NUP93: variants seen among roughly 807,000 people sequenced by gnomAD.
The protein encoded by NUP93 is nuclear pore complex protein Nup93.
NUP93 carries 55 observed loss-of-function variants against 107.8 expected under a neutral mutation model. The observed-to-expected ratio is 0.51, with a 90% CI of 0.41 to 0.64. The LOEUF is 0.64. Among genes scored for constraint, NUP93 ranks in the 30% least tolerant of loss-of-function variants. The pLI is 0.00. For synonymous variants in NUP93, 390 were observed against 397.5 expected (o/e 0.98, Z 0.22); for missense variants, 937 against 1,044.7 (o/e 0.90, Z 1.42).
intron 13 of NUP93, 101 bp downstream of exon 13, chr16:56,833,507 G>A: frequency 1.1e-6 from 1 of 938,854 alleles, no homozygotes; most frequent in South Asian, 2.1e-5. Context: ...TTGAGCAAAG[G>A]GTACCAGTCA....
chr16:56,794,927 C>CAAAAAAA (rs747651772), intron 3 of NUP93, among the ~76,000 whole-genome samples: 36 of 71,944 alleles, frequency 5.0e-4, no homozygotes, highest in African/African-American at 1.4e-3. Context: ...GACTCTGTCT[C>CAAAAAAA]AAAAAAAAAA....
intron 1 of NUP93, among the ~76,000 whole-genome samples, chr16:56,744,557 A>G (rs1464185107): frequency 6.6e-6 from 1 of 152,244 alleles, no homozygotes; most frequent in Non-Finnish European, 1.5e-5. Flanking sequence ...GGACAGATCC[A>G]GTTTTTCCCA....
At chr16:56,771,027 G>A (rs1307245903) in intron 3 of NUP93, among the ~76,000 whole-genome samples, 3 of 152,128 alleles carry the variant, frequency 2.0e-5, no homozygotes, top group African/African-American at 7.2e-5. Context: ...TGCTAAAAGG[G>A]ATCAGAGATG....
intron 5 of NUP93, among the ~76,000 whole-genome samples, chr16:56,813,409 A>G (rs1439184036): frequency 1.3e-5 from 2 of 152,270 alleles, no homozygotes; most frequent in Non-Finnish European, 2.9e-5. Context: ...TGCAGACCAT[A>G]GGATTCTGAG....
chr16:56,764,108 C>G (rs1717331695), intron 3 of NUP93, among the ~76,000 whole-genome samples: 1 of 152,110 alleles, frequency 6.6e-6, no homozygotes, highest in South Asian at 2.1e-4. Context: ...CTTCCTTTTC[C>G]TGTCCTTGGA....
At chr16:56,749,208 A>C (rs1196915114) in intron 2 of NUP93, among the ~76,000 whole-genome samples, 1 of 152,204 alleles carries the variant, frequency 6.6e-6, no homozygotes, top group Non-Finnish European at 1.5e-5. Flanking sequence ...GAAAAAAACT[A>C]TGCTGCTTTC....
intron 6 of NUP93, among the ~76,000 whole-genome samples, chr16:56,821,125 C>T (rs555501013): frequency 6.6e-6 from 1 of 152,174 alleles, no homozygotes; most frequent in African/African-American, 2.4e-5. Flanking sequence ...GAACCCTATA[C>T]CAGGGCCATT....
intron 5 of NUP93, among the ~76,000 whole-genome samples, chr16:56,814,886 C>T (rs1277546031): frequency 1.3e-5 from 2 of 152,238 alleles, no homozygotes; most frequent in Non-Finnish European, 2.9e-5. Context: ...GTGGCTTTCC[C>T]AGCCCTCAGG....
intron 3 of NUP93, among the ~76,000 whole-genome samples, chr16:56,789,604 C>A (rs777077607): frequency 3.9e-5 from 6 of 152,232 alleles, no homozygotes; most frequent in African/African-American, 1.4e-4. Context: ...ACTCTTACAG[C>A]GTCTGCTGCC....
intron 3 of NUP93, among the ~76,000 whole-genome samples, chr16:56,779,334 TTAAG>T (rs1962471012): frequency 6.6e-6 from 1 of 152,252 alleles, no homozygotes; most frequent in Non-Finnish European, 1.5e-5. Flanking sequence ...CTACATTTGT[TTAAG>T]TGAGCCCACT....
Position 56,844,832 on chromosome 16 carries a change from T to G in NUP93, c.*223T>G, listed in dbSNP as rs1442878314. On this transcript the variant is annotated 3_prime_UTR_variant, in exon 22 of 22. Coordinates refer to ENST00000308159, the MANE Select transcript of NUP93 (RefSeq NM_014669.5). ...GAAATTTTGTTTACATTTTTATTTG[T>G]GTAATGGGAAATACCGTCACTAGCT... 1.7e-5 allele frequency: 7 copies of G among 407,572 alleles called. No homozygotes were observed. The highest frequency in any genetic ancestry group is 1.4e-4 in the African/African-American group (7 of 48,648). 25.2% of individuals were successfully genotyped at this position (407,572 alleles called of 1,614,324 possible). A position where few individuals can be genotyped will look rare whatever the true frequency, so the allele number is the denominator to read the frequency against.
chr16:56,772,581 G>A (rs1447976732), intron 3 of NUP93, among the ~76,000 whole-genome samples: 1 of 152,214 alleles, frequency 6.6e-6, no homozygotes, highest in Non-Finnish European at 1.5e-5. Context: ...TCAGGGGCCT[G>A]GAAGCTCTGT....
At chr16:56,834,345 A>G in intron 14 of NUP93, 25 bp from the exon 15 acceptor site, 2 of 1,614,154 alleles carry the variant, frequency 1.2e-6, no homozygotes, top group Non-Finnish European at 1.7e-6. Context: ...CAGACTGGAA[A>G]CTGAGTTGTT....
At position 56,845,824 on chromosome 16, in the gene NUP93, T is replaced by C. The variant is rs1432209323; in HGVS notation, c.*1215T>C. On this transcript the variant is annotated 3_prime_UTR_variant, in exon 22 of 22. Coordinates refer to ENST00000308159, the MANE Select transcript of NUP93 (RefSeq NM_014669.5). Reference sequence around the variant, plus strand: ...GTCATCCCCACTGTCTCCCAGTTGTTAAAATAATTGTTACCTTTTCTTTTG... The same window carrying C: ...GTCATCCCCACTGTCTCCCAGTTGTCAAAATAATTGTTACCTTTTCTTTTG... 2.0e-5 allele frequency: 3 copies of C among 152,340 alleles called. No individual in the cohort carries two copies. Among genetic ancestry groups the C allele is most frequent in the Non-Finnish European group, 4.4e-5 (3 of 68,026 alleles). The allele number at this position is 152,340 out of a possible 1,614,324, so 9.4% of individuals were successfully genotyped here.
At chr16:56,752,895 A>AT in intron 2 of NUP93, among the ~76,000 whole-genome samples, 1 of 152,204 alleles carries the variant, frequency 6.6e-6, no homozygotes, top group Non-Finnish European at 1.5e-5. Flanking sequence ...TAGACCATTC[A>AT]TTGTGAAAAG....
chr16:56,777,005 T>TGA (rs558587761), intron 3 of NUP93, among the ~76,000 whole-genome samples: 2 of 152,144 alleles, frequency 1.3e-5, no homozygotes, highest in African/African-American at 4.8e-5. Flanking sequence ...TAATAGATGC[T>TGA]GAGAGAGAGA....
At position 56,818,715 on chromosome 16, in the gene NUP93, A is replaced by T; in HGVS notation, c.541A>T (p.Ile181Phe). ...CCCTGGTCGAAGCTCTCTGGATAAC[A>T]TCGAGATGGCCTATGCGCGGCAAGT... is the stretch of plus-strand genomic sequence containing the variant. ...GPPGRSSLDN[I>F]EMAYARQIYI... Residue 181 changes from isoleucine (I) to phenylalanine (F), a missense_variant, in exon 6 of 22, where the codon ATC becomes TTC. By Grantham distance (21) the Ile-to-Phe change is conservative. Transcript: ENST00000308159. 6.2e-7 allele frequency: 1 copy of T among 1,614,184 alleles called. No individual in the cohort carries two copies. Among genetic ancestry groups the T allele is most frequent in the African/African-American group, 1.3e-5 (1 of 75,074 alleles).
intron 3 of NUP93, among the ~76,000 whole-genome samples, chr16:56,776,538 C>A (rs1017692093): frequency 6.6e-6 from 1 of 152,090 alleles, no homozygotes; most frequent in Non-Finnish European, 1.5e-5. Context: ...TAACAGCTTC[C>A]CTGCTGAATT....
intron 3 of NUP93, among the ~76,000 whole-genome samples, chr16:56,784,513 A>G (rs1432960455): frequency 6.6e-6 from 1 of 152,230 alleles, no homozygotes; most frequent in Non-Finnish European, 1.5e-5. Flanking sequence ...TTGTAAGCTT[A>G]TAAATCTTGA....
Sources: allele counts gnomAD v4.1 joint callset (sites outside exome capture counted in the v4.1 genomes callset), GRCh38; gene constraint gnomAD v4.1.1; transcripts MANE v1.5; gene names NCBI Gene and HGNC (gene_info 2026-07-23, HGNC 2026-07-21).